TGIF1: variants seen among roughly 807,000 people sequenced by gnomAD.
TGIF1 encodes the protein homeobox protein TGIF1.
In TGIF1, 4 loss-of-function variants were observed where a neutral mutation model predicts 19.3. The ratio of observed to expected loss-of-function variants is 0.21; its 90% CI spans 0.10 to 0.47. The LOEUF is 0.47. TGIF1 is among the 20% of genes least tolerant of loss of function. The pLI is 0.98. For missense variants in TGIF1, 275 were observed against 341.4 expected (o/e 0.81, Z 1.53); for synonymous variants, 122 against 129.3 (o/e 0.94, Z 0.38).
At chr18:3,427,172 G>A (rs543132720) in intron 2 of TGIF1, among the ~76,000 whole-genome samples, 3 of 152,190 alleles carry the variant, frequency 2.0e-5, no homozygotes, top group African/African-American at 7.2e-5. Flanking sequence ...TCGAACTCCT[G>A]ACCTCAGGCA....
At chr18:3,438,596 A>AACACAAACACACAC (rs2082643836) in intron 2 of TGIF1, among the ~76,000 whole-genome samples, 1 of 136,002 alleles carries the variant, frequency 7.4e-6, no homozygotes, top group African/African-American at 2.7e-5. Context: ...CATACACACA[A>AACACAAACACACAC]ACACACACAC....
chr18:3,422,113 G>T (rs1380258686), intron 2 of TGIF1, among the ~76,000 whole-genome samples: 1 of 149,632 alleles, frequency 6.7e-6, no homozygotes, highest in Non-Finnish European at 1.5e-5. Context: ...AGAATCGCTT[G>T]AACCTGGGAG....
At chr18:3,412,064 C>A in exon 1 of TGIF1, 1 of 163,808 alleles carries the variant, frequency 6.1e-6, no homozygotes, top group South Asian at 1.6e-4. Flanking sequence ...AGTGATTTGC[C>A]TCAGCGGGGC....
upstream of TGIF1, chr18:3,448,075 G>C (rs182953695): frequency 3.9e-3 from 3,789 of 978,882 alleles, 92 homozygotes; most frequent in African/African-American, 0.063. Context: ...AAAGCGGGCG[G>C]GGGGGGAGGT....
chr18:3,424,624 G>C (rs1291866177), intron 2 of TGIF1, among the ~76,000 whole-genome samples: 2 of 152,206 alleles, frequency 1.3e-5, no homozygotes, highest in African/African-American at 4.8e-5. Context: ...CCCCAGGATA[G>C]TGGTTGCCAC....
intron 2 of TGIF1, among the ~76,000 whole-genome samples, chr18:3,424,668 C>A (rs1380309522): frequency 6.6e-6 from 1 of 152,130 alleles, no homozygotes; most frequent in Non-Finnish European, 1.5e-5. Context: ...AGCCCCACCC[C>A]CAGCCTCGGG....
rs1406702960 is a variant in TGIF1, at chr18:3,459,843, A to G, written c.*1903A>G. 6.6e-6 allele frequency: 1 copy of G among 152,220 alleles called. No homozygotes were observed. The highest frequency in any genetic ancestry group is 2.4e-5 in the African/African-American group (1 of 41,440). 9.4% of individuals were successfully genotyped at this position (152,220 alleles called of 1,614,324 possible). ...ATAATAGTTGGTGTTGAATGAATGT[A>G]ATCCATTATTTAAAAACAGGTACAT... On this transcript the variant is annotated 3_prime_UTR_variant, in exon 3 of 3. Transcript: ENST00000343820.
At chr18:3,413,881 A>C (rs80026606) in intron 1 of TGIF1, among the ~76,000 whole-genome samples, 1 of 152,344 alleles carries the variant, frequency 6.6e-6, no homozygotes, top group African/African-American at 2.4e-5. Context: ...GTTGTATCTT[A>C]AAGTATTGAG....
upstream of TGIF1, chr18:3,449,996 C>T (rs1598892338): frequency 2.0e-6 from 2 of 989,242 alleles, no homozygotes; most frequent in Non-Finnish European, 2.4e-6. Context: ...CGGCCACCCC[C>T]CGCGTCCGCA....
At chr18:3,447,868 C>G (rs376755203), upstream of TGIF1, 30 of 1,585,314 alleles carry the variant, frequency 1.9e-5, no homozygotes, top group African/African-American at 2.0e-4. Context: ...GCCCCTCCCC[C>G]CTTCTCCTGG....
At chr18:3,438,628 CG>C (rs2082645527) in intron 2 of TGIF1, among the ~76,000 whole-genome samples, 3 of 151,208 alleles carry the variant, frequency 2.0e-5, no homozygotes, top group African/African-American at 7.3e-5. Context: ...CACACACACA[CG>C]AGAAGGAAAT....
In TGIF1 at chr18:3,451,987, T is replaced by C. The variant is rs2082958948; in HGVS notation, c.16+1482T>C. 1.3e-6 allele frequency: 2 copies of C among 1,595,190 alleles called. No individual in the cohort carries two copies. The highest frequency in any genetic ancestry group is 1.7e-6 in the Non-Finnish European group (2 of 1,170,058). On this transcript the variant is annotated intron_variant, in intron 1 of 2. Transcript: ENST00000343820. The surrounding 1 kb of genome is among the most constrained non-coding windows in gnomAD (Gnocchi z 5.4). ...GGGCTCTGTGTTTCGAGGATGGTTC[T>C]AGCGCAGAGCCGGGTGTCTGCCGGG...
At chr18:3,450,931 C>T (rs999587754) in intron 1 of TGIF1, among the ~76,000 whole-genome samples, 5 of 152,086 alleles carry the variant, frequency 3.3e-5, no homozygotes, top group Admixed American at 2.0e-4. Flanking sequence ...CGCGGGACCG[C>T]CGCGGCTTTG....
intron 2 of TGIF1, among the ~76,000 whole-genome samples, chr18:3,436,940 A>T (rs1414752405): frequency 1.3e-5 from 2 of 151,878 alleles, no homozygotes; most frequent in African/African-American, 4.8e-5. Flanking sequence ...CTCCATCTCT[A>T]CTAAAAATAC....
At position 3,458,198 on chromosome 18, in the gene TGIF1, C is replaced by A. The variant is rs2072147202; in HGVS notation, c.*258C>A. 2 of 444,664 alleles carry A rather than the reference C, an allele frequency of 4.5e-6. No homozygotes were observed. The highest frequency in any genetic ancestry group is 3.9e-6 in the Non-Finnish European group (1 of 256,086). 27.5% of individuals were successfully genotyped at this position (444,664 alleles called of 1,614,324 possible). A position where few individuals can be genotyped will look rare whatever the true frequency, so the allele number is the denominator to read the frequency against. Reference sequence around the variant, plus strand: ...CATAATGTGAGATGGTTCCCAATATCATGTGATTTTTTTTTTCCTCCCCTT... The same window carrying A: ...CATAATGTGAGATGGTTCCCAATATAATGTGATTTTTTTTTTCCTCCCCTT... On this transcript the variant is annotated 3_prime_UTR_variant, in exon 3 of 3. Coordinates refer to ENST00000343820, the MANE Select transcript of TGIF1 (RefSeq NM_003244.4).
chr18:3,446,030 AG>A (rs2082741185), upstream of TGIF1, among the ~76,000 whole-genome samples: 1 of 152,152 alleles, frequency 6.6e-6, no homozygotes, highest in African/African-American at 2.4e-5. Flanking sequence ...GGATGTGTTA[AG>A]TGATCTTGAC....
chr18:3,434,801 A>G (rs1433493418), intron 2 of TGIF1, among the ~76,000 whole-genome samples: 2 of 152,178 alleles, frequency 1.3e-5, no homozygotes, highest in Non-Finnish European at 2.9e-5. Context: ...AGACTTCATG[A>G]TAACACTTCC....
intron 2 of TGIF1, among the ~76,000 whole-genome samples, chr18:3,430,699 A>G: frequency 7.1e-6 from 1 of 140,916 alleles, no homozygotes; most frequent in African/African-American, 2.7e-5. Flanking sequence ...TTTGGTAGAG[A>G]TAGGGTCTTG....
At chr18:3,433,006 G>C (rs149991282) in intron 2 of TGIF1, among the ~76,000 whole-genome samples, 2 of 152,022 alleles carry the variant, frequency 1.3e-5, no homozygotes, top group African/African-American at 4.8e-5. Context: ...TCATCCGCCC[G>C]GCTTGGCCTC....
Sources: allele counts gnomAD v4.1 joint callset (sites outside exome capture counted in the v4.1 genomes callset), GRCh38; gene constraint gnomAD v4.1.1; non-coding constraint Gnocchi (gnomAD v3.1); transcripts MANE v1.5; gene names NCBI Gene and HGNC (gene_info 2026-07-23, HGNC 2026-07-21).